PDE4D: variants seen among roughly 807,000 people sequenced by gnomAD.
The protein encoded by PDE4D is 3',5'-cyclic-AMP phosphodiesterase 4D.
PDE4D carries 24 observed loss-of-function variants against 87.4 expected under a neutral mutation model. The ratio of observed to expected loss-of-function variants is 0.27; its 90% CI spans 0.20 to 0.39. The LOEUF (loss-of-function observed/expected upper bound fraction) is 0.39, where lower values mean the gene tolerates loss of function less well. PDE4D is among the 10% of genes least tolerant of loss of function. The pLI is 1.00. For missense variants in PDE4D, 714 were observed against 1,041.0 expected, an observed-to-expected ratio of 0.69 and a Z score of 4.32; for synonymous variants, 384 against 383.2, an observed-to-expected ratio of 1.00 and a Z score of -0.02.
At chr5:60,256,616 T>C (rs967302710) in intron 1 of PDE4D, among the ~76,000 whole-genome samples, 2 of 151,718 alleles carry the variant, frequency 1.3e-5, no homozygotes, top group African/African-American at 4.8e-5. Context: ...CTGGAAAACA[T>C]AAAGAATGTA....
At chr5:59,120,335 A>T (rs1303755813) in intron 5 of PDE4D, among the ~76,000 whole-genome samples, 1 of 152,206 alleles carries the variant, frequency 6.6e-6, no homozygotes, top group South Asian at 2.1e-4. Flanking sequence ...CATATAGTCA[A>T]GTGGTAGCCC....
chr5:59,565,926 A>C (rs1820809075), intron 1 of PDE4D, among the ~76,000 whole-genome samples: 1 of 152,170 alleles, frequency 6.6e-6, no homozygotes, highest in African/African-American at 2.4e-5. Context: ...GGAGAGGGGA[A>C]GCAAAACTTA....
chr5:59,338,657 G>A (rs897615629), intron 1 of PDE4D, among the ~76,000 whole-genome samples: 2 of 152,164 alleles, frequency 1.3e-5, no homozygotes, highest in African/African-American at 4.8e-5. Context: ...ATCGAAGTAT[G>A]GTAGACATGA....
chr5:60,025,599 A>T (rs1766540922), intron 2 of PDE4D, among the ~76,000 whole-genome samples: 1 of 152,168 alleles, frequency 6.6e-6, no homozygotes, highest in African/African-American at 2.4e-5. Flanking sequence ...TATTTTAGGT[A>T]AAATTCTAAT....
intron 1 of PDE4D, among the ~76,000 whole-genome samples, chr5:59,795,255 C>T (rs1210976872): frequency 6.6e-6 from 1 of 152,184 alleles, no homozygotes; most frequent in African/African-American, 2.4e-5. Flanking sequence ...TCTCCTGACA[C>T]CTGTCATGTA....
chr5:60,044,382 A>G (rs944084042), intron 2 of PDE4D, among the ~76,000 whole-genome samples: 3 of 151,484 alleles, frequency 2.0e-5, no homozygotes, highest in African/African-American at 7.3e-5. Context: ...TTTATATTAT[A>G]CTTTAAGTTT....
intron 2 of PDE4D, among the ~76,000 whole-genome samples, chr5:60,044,051 CTT>C (rs1562015380): frequency 6.6e-6 from 1 of 151,890 alleles, no homozygotes; most frequent in Admixed American, 6.6e-5. Flanking sequence ...TTCTGGTTGT[CTT>C]TAGTTTTCTG....
At chr5:59,469,818 G>A in intron 1 of PDE4D, among the ~76,000 whole-genome samples, 1 of 152,158 alleles carries the variant, frequency 6.6e-6, no homozygotes, top group East Asian at 1.9e-4. Context: ...GCAGCTAATA[G>A]AGCTGCCTGA....
intron 1 of PDE4D, among the ~76,000 whole-genome samples, chr5:59,783,883 A>C (rs1419125043): frequency 6.6e-6 from 1 of 152,066 alleles, no homozygotes; most frequent in Non-Finnish European, 1.5e-5. Context: ...CCTGGGCAAT[A>C]TGGCGAAACC....
intron 1 of PDE4D, among the ~76,000 whole-genome samples, chr5:59,728,655 T>A (rs1406740019): frequency 1.3e-5 from 2 of 152,042 alleles, no homozygotes; most frequent in African/African-American, 2.4e-5. Context: ...ATTAATAATT[T>A]AGAAGGAAAA....
At chr5:59,115,174 CCAT>C (rs1773384076) in intron 5 of PDE4D, among the ~76,000 whole-genome samples, 1 of 151,920 alleles carries the variant, frequency 6.6e-6, no homozygotes, top group African/African-American at 2.4e-5. Context: ...AGAAATCTTA[CCAT>C]AATATAGAAG....
chr5:59,199,324 C>A lies in PDE4D; in HGVS notation c.648-5788G>T, dbSNP rs569846034. On this transcript the variant is annotated intron_variant, in intron 2 of 14. Coordinates refer to ENST00000340635, the MANE Select transcript of PDE4D (RefSeq NM_001104631.2). ...CCCAGACTGGCCTTGAACTCCTGGGCTGAAGTGATCTTCCTGTCTCAGTCT... is the reference window on the plus strand; with the variant it reads ...CCCAGACTGGCCTTGAACTCCTGGGATGAAGTGATCTTCCTGTCTCAGTCT... 2.1e-4 allele frequency among the ~76,000 whole-genome samples: 31 copies of A among 149,890 alleles called. No individual in the cohort carries two copies. The South Asian group carries it at 6.3e-3, about 31-fold the overall frequency.
chr5:59,582,654 T>C (rs920198486), intron 1 of PDE4D, among the ~76,000 whole-genome samples: 7 of 152,174 alleles, frequency 4.6e-5, no homozygotes, highest in African/African-American at 1.4e-4. Context: ...GCTTGGTCTA[T>C]AGAGGAACAA....
chr5:59,450,669 A>G (rs1453988110), intron 1 of PDE4D, among the ~76,000 whole-genome samples: 2 of 152,208 alleles, frequency 1.3e-5, no homozygotes, highest in African/African-American at 4.8e-5. Context: ...CACACAGCAG[A>G]TGATATTCCT....
intron 1 of PDE4D, among the ~76,000 whole-genome samples, chr5:59,548,329 T>C (rs1287568259): frequency 1.3e-5 from 2 of 152,218 alleles, no homozygotes; most frequent in Non-Finnish European, 2.9e-5. Flanking sequence ...TTGCTATCTT[T>C]ATATTTGATT....
intron 2 of PDE4D, among the ~76,000 whole-genome samples, chr5:60,127,294 A>T (rs1207729221): frequency 1.3e-5 from 2 of 152,216 alleles, no homozygotes; most frequent in African/African-American, 4.8e-5. Context: ...TGACGTTAAT[A>T]GTCTTAAGAA....
intron 5 of PDE4D, among the ~76,000 whole-genome samples, chr5:59,096,879 G>A (rs967796535): frequency 6.6e-6 from 1 of 152,092 alleles, no homozygotes; most frequent in Non-Finnish European, 1.5e-5. Context: ...ACTATACATA[G>A]AAGAGATACA....
chr5:60,320,825 C>T (rs1259953433), intron 1 of PDE4D, among the ~76,000 whole-genome samples: 1 of 152,136 alleles, frequency 6.6e-6, no homozygotes, highest in Non-Finnish European at 1.5e-5. Context: ...AAATAAAATA[C>T]TTAGGAATAC....
chr5:60,314,944 C>T (rs942463852), intron 1 of PDE4D, among the ~76,000 whole-genome samples: 4 of 152,202 alleles, frequency 2.6e-5, no homozygotes, highest in African/African-American at 9.7e-5. Flanking sequence ...CCTCAATAAA[C>T]ATACGTGTGC....
Sources: gnomAD v4.1 joint callset for allele counts (sites outside exome capture counted in the v4.1 genomes callset) on GRCh38, gnomAD v4.1.1 for gene constraint, MANE v1.5 for transcripts, NCBI Gene and HGNC (gene_info 2026-07-23, HGNC 2026-07-21) for gene names.